The following ASMTL variants were observed in gnomAD, a reference collection of about 807,000 sequenced individuals.
ASMTL encodes the protein acetylserotonin O-methyltransferase like.
In ASMTL, 57 loss-of-function variants were observed where a neutral mutation model predicts 60.3. The ratio of observed to expected loss-of-function variants is 0.95; its 90% CI spans 0.76 to 1.18. The LOEUF is 1.18. Ranked by LOEUF, ASMTL falls within the 50% of genes most tolerant of loss-of-function variation. The pLI is 0.00. For synonymous variants in ASMTL, 419 were observed against 373.0 expected (o/e 1.12, Z -1.42); for missense variants, 981 against 852.6 (o/e 1.15, Z -1.88).
At chrX:1,431,901 G>A (rs1242430738) in intron 6 of ASMTL, 4 of 254,602 alleles carry the variant, frequency 1.6e-5, no homozygotes, top group African/African-American at 6.7e-5. Context: ...ACCTCTTAGG[G>A]TGACTTTGGA....
At chrX:1,437,577 G>T (rs182655612) in intron 3 of ASMTL, among the ~76,000 whole-genome samples, 94 of 152,084 alleles carry the variant, frequency 6.2e-4, no homozygotes, top group African/African-American at 2.0e-3. Flanking sequence ...TGCTATCACA[G>T]AATACCATAG....
chrX:1,405,450 TAGTAGATGATGGTTA>T (rs1157071388), intron 12 of ASMTL, among the ~76,000 whole-genome samples: 1 of 150,812 alleles, frequency 6.6e-6, no homozygotes, highest in African/African-American at 2.4e-5. Flanking sequence ...GGTGAATAGA[TAGTAGATGATGGTTA>T]GGTAGGTAGA....
In ASMTL at chrX:1,417,961, A is replaced by G; in HGVS notation, c.1522+12T>C. ...GGAAAAGGTTAGCAGGGTGAACAGG[A>G]GGAGGGCTCACCTGCTGCGAAGTGG... On this transcript the variant is annotated intron_variant, in intron 11 of 12. Transcript: ENST00000381317. The G allele has an allele frequency of 6.2e-7, 1 of 1,600,462 alleles. No homozygotes were observed. The highest frequency in any genetic ancestry group is 1.1e-5 in the South Asian group (1 of 89,652).
chrX:1,445,391 T>G (rs1163827368), intron 1 of ASMTL, among the ~76,000 whole-genome samples: 1 of 152,176 alleles, frequency 6.6e-6, no homozygotes, highest in Non-Finnish European at 1.5e-5. Flanking sequence ...CTGGCCAAAC[T>G]TGGCTTACAG....
Position 1,421,808 on chromosome X carries a change from C to T in ASMTL, c.1095G>A (p.Leu365=). The change falls in exon 9 of 13, where the codon CTG becomes CTA. Residue 365 remains leucine, a synonymous_variant. Transcript: ENST00000381317. ...GCAGAGAGTATTCGCCATCCGATGC[C>T]AGGTAGACGTTCGCTGTCTCTGTGT... ...YSNTETANVY[L]ASDGEYSLHG... 1 of 1,613,800 alleles carries T rather than the reference C, an allele frequency of 6.2e-7. No homozygotes were observed. The highest frequency in any genetic ancestry group is 8.5e-7 in the Non-Finnish European group (1 of 1,179,832).
chrX:1,449,660 T>A (rs1157965738), intron 1 of ASMTL, among the ~76,000 whole-genome samples: 1 of 138,798 alleles, frequency 7.2e-6, no homozygotes, highest in Non-Finnish European at 1.5e-5. Context: ...CTACCCCCCA[T>A]CACCAGTAAC....
Position 1,432,296 on chromosome X carries a change from C to G in ASMTL, c.482G>C (p.Trp161Ser). 1 of 1,612,960 alleles carries G rather than the reference C, an allele frequency of 6.2e-7. No individual in the cohort carries two copies. The highest frequency in any genetic ancestry group is 1.1e-5 in the South Asian group (1 of 90,994). ...KFSELSEELLWEYVHSGEPMD... is the reference protein window; with the variant it reads ...KFSELSEELLSEYVHSGEPMD... The stretch of plus-strand genomic sequence containing the variant: ...GGGCTCCCCGCTGTGGACGTATTCC[C>G]AGAGCAGCTCCTCGGACAGCTCCGA... Residue 161 changes from tryptophan (W) to serine (S), a missense_variant, in exon 6 of 13, where the codon TGG becomes TCG. Transcript: ENST00000381317.
intron 5 of ASMTL, 89 bp from the exon 6 acceptor site, chrX:1,432,466 G>T: frequency 2.2e-6 from 2 of 925,470 alleles, no homozygotes; most frequent in Non-Finnish European, 3.5e-6. Context: ...GTGGAGGTGT[G>T]TACTCGAGCG....
At chrX:1,418,865 C>T in intron 10 of ASMTL, 117 bp downstream of exon 10, 1 of 1,329,588 alleles carries the variant, frequency 7.5e-7, no homozygotes, top group Non-Finnish European at 1.0e-6. Context: ...TGGCCCGGTT[C>T]AGGTCGTTAT....
intron 1 of ASMTL, among the ~76,000 whole-genome samples, chrX:1,450,034 TCC>T (rs1238990495): frequency 7.3e-6 from 1 of 137,518 alleles, no homozygotes; most frequent in African/African-American, 2.8e-5. Flanking sequence ...CCAGTAACTA[TCC>T]CCCATCACCA....
chrX:1,440,958 T>G (rs1422718401), intron 2 of ASMTL, among the ~76,000 whole-genome samples: 1 of 152,144 alleles, frequency 6.6e-6, no homozygotes, highest in Non-Finnish European at 1.5e-5. Flanking sequence ...CTATATTAAT[T>G]GCAATATTAT....
intron 6 of ASMTL, among the ~76,000 whole-genome samples, chrX:1,431,154 A>G (rs1349417293): frequency 1.6e-5 from 2 of 125,074 alleles, no homozygotes; most frequent in African/African-American, 3.3e-5. Flanking sequence ...ATAATTATAT[A>G]TAATTTATAT....
Position 1,427,824 on chromosome X carries a change from C to T in ASMTL, c.807G>A (p.Thr269=), listed in dbSNP as rs755203077. The T allele has an allele frequency of 8.1e-6, 13 of 1,612,146 alleles. No homozygotes were observed. The highest frequency in any genetic ancestry group is 4.5e-5 in the East Asian group (2 of 44,886). The change falls in exon 7 of 13, where the codon ACG becomes ACA. Residue 269 remains threonine, a synonymous_variant. Transcript: ENST00000381317. ...KAEAGEAGQA[T]AEAECHRTRE... Reference sequence around the variant, plus strand: ...GAGTCCTGTGACACTCAGCCTCTGCCGTGGCCTGTCCCGCCTCTCCCGCCT... The same window carrying T: ...GAGTCCTGTGACACTCAGCCTCTGCTGTGGCCTGTCCCGCCTCTCCCGCCT...
At chrX:1,427,059 A>G (rs1446213738) in intron 7 of ASMTL, among the ~76,000 whole-genome samples, 1 of 152,248 alleles carries the variant, frequency 6.6e-6, no homozygotes, top group Non-Finnish European at 1.5e-5. Flanking sequence ...AGGGGACTTC[A>G]GATGAGTTGG....
intron 5 of ASMTL, among the ~76,000 whole-genome samples, chrX:1,434,359 G>A (rs111421872): frequency 0.09 from 13,594 of 151,860 alleles, 766 homozygotes; most frequent in East Asian, 0.21. Flanking sequence ...GTGTGGTGGC[G>A]TGTGCCTGTA....
intron 6 of ASMTL, among the ~76,000 whole-genome samples, chrX:1,429,445 G>A (rs532794117): frequency 1.3e-5 from 2 of 151,848 alleles, no homozygotes; most frequent in Middle Eastern, 3.4e-3. Context: ...TGATCCTCCC[G>A]TCTTGGCTTG....
At chrX:1,403,874 GGATGGATGGATAGATGGATGCATGTATGA>G (rs1440164470) in intron 12 of ASMTL, among the ~76,000 whole-genome samples, 28 of 152,030 alleles carry the variant, frequency 1.8e-4, no homozygotes, top group African/African-American at 6.3e-4. Context: ...GGAGGTACAT[GGATGGATGGATAGATGGATGCATGTATGA>G]GATGGATGGA....
At chrX:1,443,573 TCATGGACACACACC>T (rs2091166966) in intron 1 of ASMTL, among the ~76,000 whole-genome samples, 1 of 150,316 alleles carries the variant, frequency 6.7e-6, no homozygotes, top group East Asian at 2.0e-4. Context: ...CACACCGCCA[TCATGGACACACACC>T]GCCATCTTGG....
rs775321092 is a variant in ASMTL at position 1,427,799 on chromosome X, G to A, written c.832C>T (p.Arg278Trp). Residue 278 changes from arginine to tryptophan, a missense_variant, in exon 7 of 13, where the codon CGG (arginine) becomes TGG (tryptophan). Coordinates refer to ENST00000381317, the MANE Select transcript of ASMTL (RefSeq NM_004192.4). ...GTCGGGAACGGAGGCAGGGTCTCCCGAGTCCTGTGACACTCAGCCTCTGCC... is the reference window on the plus strand; with the variant it reads ...GTCGGGAACGGAGGCAGGGTCTCCCAAGTCCTGTGACACTCAGCCTCTGCC... ...ATAEAECHRT[R>W]ETLPPFPTRL... 51 of 1,612,734 alleles carry A rather than the reference G, an allele frequency of 3.2e-5. No individual in the cohort carries two copies. Among genetic ancestry groups the A allele is most frequent in the Non-Finnish European group, 3.7e-5 (44 of 1,179,820 alleles).
Sources: gnomAD v4.1 joint callset for allele counts (sites outside exome capture counted in the v4.1 genomes callset) on GRCh38, gnomAD v4.1.1 for gene constraint, MANE v1.5 for transcripts, NCBI Gene and HGNC (gene_info 2026-07-23, HGNC 2026-07-21) for gene names.